EFCAB11: variants seen among roughly 807,000 people sequenced by gnomAD.
EFCAB11 encodes the protein EF-hand calcium-binding domain-containing protein 11.
Under a neutral mutation model 23.0 loss-of-function variants are expected in EFCAB11, and 14 were observed. The observed-to-expected ratio is 0.61, with a 90% CI of 0.40 to 0.95. EFCAB11 has a LOEUF of 0.95. EFCAB11 is among the 40% of genes least tolerant of loss of function. The pLI is 0.00. For missense variants in EFCAB11, 198 were observed against 195.8 expected (o/e 1.01, Z -0.07); for synonymous variants, 65 against 66.6 (o/e 0.98, Z 0.11).
rs550970998 is a variant in EFCAB11 at position 89,796,853 on chromosome 14, G to A, written c.*390C>T. The A allele has an allele frequency of 1.4e-4, 25 of 172,588 alleles. 1 individual carries two copies. In the South Asian group the frequency reaches 3.4e-3, roughly 23 times the overall value. The allele number at this position is 172,588 out of a possible 1,614,324, so 10.7% of individuals were successfully genotyped here. On this transcript the variant is annotated 3_prime_UTR_variant, in exon 6 of 6. Coordinates refer to ENST00000316738, the MANE Select transcript of EFCAB11 (RefSeq NM_145231.4). ...GCCTGCAGTGTGGAGAGGGTAGGGG[G>A]CAAGAAGAGTGAGGAGGAGGAGGAC...
rs150881529 is a variant in EFCAB11 at position 89,862,312 on chromosome 14, AT to A, written c.411-64989del. Among the ~76,000 whole-genome samples, 543 of 151,788 alleles carry A rather than the reference AT, an allele frequency of 3.6e-3. 4 individuals carry two copies. Among genetic ancestry groups the A allele is most frequent in the African/African-American group, 0.012 (507 of 41,430 alleles). On this transcript the variant is annotated intron_variant, in intron 5 of 5. Coordinates refer to ENST00000316738, the MANE Select transcript of EFCAB11 (RefSeq NM_145231.4). The stretch of plus-strand genomic sequence containing the variant: ...AATAATAGAAACAGATACTAAAAGC[AT>A]TTTTTTTTATTAGAAAAACCACTGG...
intron 5 of EFCAB11, among the ~76,000 whole-genome samples, chr14:89,897,303 G>A (rs997486467): frequency 6.6e-6 from 1 of 151,630 alleles, no homozygotes; most frequent in Non-Finnish European, 1.5e-5. Flanking sequence ...CGCCTCCAGG[G>A]TTCAAGCAAC....
At chr14:89,868,025 A>G (rs924636804) in intron 5 of EFCAB11, among the ~76,000 whole-genome samples, 4 of 152,256 alleles carry the variant, frequency 2.6e-5, no homozygotes, top group African/African-American at 9.6e-5. Flanking sequence ...ATTAAGCGCC[A>G]TTCATTACAT....
At chr14:89,862,931 T>G (rs1462160109) in intron 5 of EFCAB11, among the ~76,000 whole-genome samples, 1 of 152,190 alleles carries the variant, frequency 6.6e-6, no homozygotes, top group Non-Finnish European at 1.5e-5. Context: ...CATATGTACT[T>G]ACATCTAATT....
At chr14:89,860,318 C>T (rs183298145) in intron 5 of EFCAB11, among the ~76,000 whole-genome samples, 3 of 152,230 alleles carry the variant, frequency 2.0e-5, no homozygotes, top group South Asian at 4.2e-4. Flanking sequence ...GAGCCGAGAT[C>T]GCACCATTGC....
intron 5 of EFCAB11, among the ~76,000 whole-genome samples, chr14:89,850,877 C>G (rs991790327): frequency 2.6e-5 from 4 of 152,148 alleles, no homozygotes; most frequent in African/African-American, 4.8e-5. Context: ...TAAGCTAAAT[C>G]TGTATTATAA....
At chr14:89,909,972 G>GTTC in intron 5 of EFCAB11, among the ~76,000 whole-genome samples, 1 of 152,200 alleles carries the variant, frequency 6.6e-6, no homozygotes, top group African/African-American at 2.4e-5. Context: ...TGCAGCAAGC[G>GTTC]TTCTTCTTCT....
At chr14:89,812,432 G>T (rs984529994) in intron 5 of EFCAB11, among the ~76,000 whole-genome samples, 1 of 152,108 alleles carries the variant, frequency 6.6e-6, no homozygotes, top group East Asian at 1.9e-4. Context: ...AACCCCAAAG[G>T]GAGTTCTTGG....
intron 5 of EFCAB11, among the ~76,000 whole-genome samples, chr14:89,910,169 G>C (rs1889630335): frequency 6.6e-6 from 1 of 152,208 alleles, no homozygotes; most frequent in Admixed American, 6.5e-5. Context: ...AAAGATATAA[G>C]CCTGAGAATA....
chr14:89,836,336 G>A (rs1887077574), intron 5 of EFCAB11: 2 of 329,346 alleles, frequency 6.1e-6, no homozygotes, highest in Non-Finnish European at 1.2e-5. Flanking sequence ...TCCATCCAAA[G>A]CTCATACCCA....
At chr14:89,816,235 T>G (rs528430172) in intron 5 of EFCAB11, among the ~76,000 whole-genome samples, 30 of 152,348 alleles carry the variant, frequency 2.0e-4, no homozygotes, top group Non-Finnish European at 3.7e-4. Flanking sequence ...AAGTTGATTT[T>G]GTATCATATA....
Position 89,797,254 on chromosome 14 carries a change from T to C in EFCAB11, c.481A>G (p.Lys161Glu), listed in dbSNP as rs775084703. 2.6e-5 allele frequency: 42 copies of C among 1,613,296 alleles called. No individual in the cohort carries two copies. The highest frequency in any genetic ancestry group is 3.3e-5 in the Non-Finnish European group (39 of 1,179,768). The change falls in exon 6 of 6, where the codon AAG becomes GAG. Residue 161 changes from lysine (K) to glutamate (E), a missense_variant. By Grantham distance (56) the Lys-to-Glu change is moderately conservative. Coordinates refer to ENST00000316738, the MANE Select transcript of EFCAB11 (RefSeq NM_145231.4). Reference sequence around the variant, plus strand: ...GTAGTTCACAATAGTTAGGCTTCCTTCTGTCCATAGTTCAGGGCATATTCA... The same window carrying C: ...GTAGTTCACAATAGTTAGGCTTCCTCCTGTCCATAGTTCAGGGCATATTCA... ...DFEYALNYGQ[K>E]EA
intron 5 of EFCAB11, among the ~76,000 whole-genome samples, chr14:89,902,605 C>A (rs1889374924): frequency 6.6e-6 from 1 of 152,094 alleles, no homozygotes; most frequent in Non-Finnish European, 1.5e-5. Flanking sequence ...TTATCTAATT[C>A]ATATTGGGTT....
chr14:89,898,427 C>T (rs1889237540), intron 5 of EFCAB11, among the ~76,000 whole-genome samples: 1 of 152,042 alleles, frequency 6.6e-6, no homozygotes, highest in African/African-American at 2.4e-5. Flanking sequence ...TGCAGTGGCA[C>T]GATCTCGGCT....
intron 5 of EFCAB11, among the ~76,000 whole-genome samples, chr14:89,903,448 T>A (rs1407809090): frequency 6.6e-6 from 1 of 152,210 alleles, no homozygotes; most frequent in African/African-American, 2.4e-5. Context: ...AATGGTCATT[T>A]TCAGTGAAAG....
chr14:89,896,864 T>C (rs1889183759), intron 5 of EFCAB11, among the ~76,000 whole-genome samples: 1 of 152,106 alleles, frequency 6.6e-6, no homozygotes, highest in South Asian at 2.1e-4. Flanking sequence ...GCTAGGGCTA[T>C]ATGTATGTGC....
chr14:89,825,374 C>A (rs1023938057), intron 5 of EFCAB11, among the ~76,000 whole-genome samples: 2 of 151,872 alleles, frequency 1.3e-5, no homozygotes, highest in African/African-American at 4.8e-5. Context: ...GTTTTAAATG[C>A]CTACATTTGA....
At chr14:89,814,990 A>T (rs1886283256) in intron 5 of EFCAB11, among the ~76,000 whole-genome samples, 1 of 152,138 alleles carries the variant, frequency 6.6e-6, no homozygotes, top group Admixed American at 6.5e-5. Context: ...AGACATTGGG[A>T]CTCCCCATTT....
intron 5 of EFCAB11, among the ~76,000 whole-genome samples, chr14:89,922,674 C>T (rs1469817298): frequency 2.0e-5 from 3 of 152,004 alleles, no homozygotes; most frequent in Non-Finnish European, 4.4e-5. Flanking sequence ...AAGATGAAGT[C>T]ATCTATTCAA....
Sources: allele counts gnomAD v4.1 joint callset (sites outside exome capture counted in the v4.1 genomes callset), GRCh38; gene constraint gnomAD v4.1.1; transcripts MANE v1.5; gene names NCBI Gene and HGNC (gene_info 2026-07-23, HGNC 2026-07-21).